Variants in CLVS1 observed in about 807,000 individuals in gnomAD.
CLVS1 encodes clavesin-1.
Under a neutral mutation model 33.1 loss-of-function variants are expected in CLVS1, and 10 were observed. That is an observed-to-expected ratio of 0.30 (90% CI 0.19 to 0.51). The LOEUF is 0.51. Among genes scored for constraint, CLVS1 ranks in the 20% least tolerant of loss-of-function variants. CLVS1 has a pLI of 0.97. For missense variants in CLVS1, 343 were observed against 433.4 expected, an observed-to-expected ratio of 0.79 and a Z score of 1.85; for synonymous variants, 163 against 166.1, an observed-to-expected ratio of 0.98 and a Z score of 0.14.
At chr8:61,306,007 G>T (rs1810613024) in intron 2 of CLVS1, among the ~76,000 whole-genome samples, 1 of 152,140 alleles carries the variant, frequency 6.6e-6, no homozygotes, top group African/African-American at 2.4e-5. Flanking sequence ...ACATACACGT[G>T]CATGTGTCTT....
At chr8:61,076,818 GAAGGCCAGAGTCCCTACACCA>G (rs1173765280) in intron 1 of CLVS1, among the ~76,000 whole-genome samples, 1 of 152,252 alleles carries the variant, frequency 6.6e-6, no homozygotes, top group African/African-American at 2.4e-5. Context: ...TGCACTGGAA[GAAGGCCAGAGTCCCTACACCA>G]AAGGCCAGAG....
chr8:61,054,746 A>G (rs1804448223), upstream of CLVS1, among the ~76,000 whole-genome samples: 3 of 151,946 alleles, frequency 2.0e-5, no homozygotes, highest in Admixed American at 2.0e-4. Flanking sequence ...AGGCTTCCTC[A>G]TCTCTCTCCT....
intron 2 of CLVS1, among the ~76,000 whole-genome samples, chr8:61,334,820 C>T (rs1457887149): frequency 6.6e-6 from 1 of 152,092 alleles, no homozygotes; most frequent in Non-Finnish European, 1.5e-5. Flanking sequence ...TTGCCAGCTG[C>T]CTAGACAGAG....
intron 1 of CLVS1, among the ~76,000 whole-genome samples, chr8:61,059,521 C>T (rs1211509202): frequency 3.1e-5 from 3 of 95,284 alleles, no homozygotes; most frequent in South Asian, 3.8e-4. Flanking sequence ...GAAAATAGCA[C>T]GAGGCTTGTC....
intron 2 of CLVS1, among the ~76,000 whole-genome samples, chr8:61,208,738 C>G (rs1246082514): frequency 6.6e-6 from 1 of 152,138 alleles, no homozygotes; most frequent in African/African-American, 2.4e-5. Context: ...CAGGCACGCG[C>G]CACCACGCCC....
the CLVS1 span, among the ~76,000 whole-genome samples, chr8:61,009,765 C>A: frequency 6.6e-6 from 1 of 152,124 alleles, no homozygotes; most frequent in African/African-American, 2.4e-5. Flanking sequence ...AGAGACACTG[C>A]CGATGGGGTG....
intron 2 of CLVS1, among the ~76,000 whole-genome samples, chr8:61,342,423 C>A (rs967046850): frequency 6.6e-6 from 1 of 151,450 alleles, no homozygotes; most frequent in African/African-American, 2.4e-5. Context: ...TGCCTATATC[C>A]GCTCTACACA....
At chr8:61,289,940 G>A (rs1035931439) in intron 1 of CLVS1, among the ~76,000 whole-genome samples, 3 of 152,178 alleles carry the variant, frequency 2.0e-5, no homozygotes, top group Admixed American at 1.3e-4. Context: ...AATATGTGGT[G>A]AAATGGATTT....
At chr8:60,994,252 T>C in the CLVS1 span, among the ~76,000 whole-genome samples, 3 of 152,180 alleles carry the variant, frequency 2.0e-5, no homozygotes, top group Non-Finnish European at 2.9e-5. Flanking sequence ...ACCAGTTGTA[T>C]TGGATGAGGA....
At chr8:61,140,497 T>C (rs1316626790) in intron 2 of CLVS1, among the ~76,000 whole-genome samples, 8 of 152,228 alleles carry the variant, frequency 5.3e-5, no homozygotes, top group Non-Finnish European at 1.2e-4. Context: ...TTGTAACTAG[T>C]TGGAGAACCC....
At chr8:61,204,555 G>A (rs1807801374) in intron 2 of CLVS1, among the ~76,000 whole-genome samples, 1 of 152,092 alleles carries the variant, frequency 6.6e-6, no homozygotes, top group Non-Finnish European at 1.5e-5. Context: ...TTAAATGTAG[G>A]AAAAGCATAA....
rs1036827751 is a variant in CLVS1 at position 61,132,146 on chromosome 8, C to T, written c.-152+286C>T. ...CAATAGCACCTGCTCAGAGAAACAA[C>T]GAGGCTGGACCTGCAAAATGAGCTT... On this transcript the variant is annotated intron_variant, in intron 2 of 2. Transcript: ENST00000522621. Among the ~76,000 whole-genome samples the T allele has an allele frequency of 5.9e-5, 9 of 152,240 alleles. No homozygotes were observed. In the South Asian group the frequency reaches 6.2e-4, roughly 11 times the overall value.
At chr8:61,018,245 C>CT in the CLVS1 span, among the ~76,000 whole-genome samples, 2,231 of 152,302 alleles carry the variant, frequency 0.015, 61 homozygotes, top group African/African-American at 0.05. Context: ...TATGGGGTCT[C>CT]TTTTCTATGA....
intron 3 of CLVS1, among the ~76,000 whole-genome samples, chr8:61,450,596 C>T (rs1816916180): frequency 6.6e-6 from 1 of 152,112 alleles, no homozygotes; most frequent in Non-Finnish European, 1.5e-5. Context: ...AAGACGTGAA[C>T]TAATTGTTAA....
chr8:61,269,212 A>T (rs1278024240), intron 2 of CLVS1, among the ~76,000 whole-genome samples: 1 of 151,542 alleles, frequency 6.6e-6, no homozygotes, highest in Admixed American at 6.6e-5. Flanking sequence ...TAAGGAAGGG[A>T]TCCAGTTTCA....
intron 1 of CLVS1, among the ~76,000 whole-genome samples, chr8:61,125,646 T>C (rs1180156989): frequency 6.6e-6 from 1 of 152,216 alleles, no homozygotes; most frequent in Non-Finnish European, 1.5e-5. Context: ...AACTTTCAAC[T>C]ATTGTTTAAA....
chr8:61,420,129 G>T (rs1343744446), intron 3 of CLVS1, among the ~76,000 whole-genome samples: 1 of 152,036 alleles, frequency 6.6e-6, no homozygotes, highest in Non-Finnish European at 1.5e-5. Context: ...TTCAAATTCT[G>T]ACTCCAAAGT....
intron 2 of CLVS1, among the ~76,000 whole-genome samples, chr8:61,201,996 A>G (rs573144899): frequency 3.9e-5 from 6 of 152,280 alleles, no homozygotes; most frequent in South Asian, 2.1e-4. Flanking sequence ...AACATTCTGT[A>G]TTTGACCCGA....
At chr8:61,330,825 C>G (rs1018843329) in intron 2 of CLVS1, among the ~76,000 whole-genome samples, 1 of 151,828 alleles carries the variant, frequency 6.6e-6, no homozygotes, top group East Asian at 1.9e-4. Context: ...CTTGGTGTCT[C>G]GTGCCTGCAA....
Sources: gnomAD v4.1 joint callset for allele counts (sites outside exome capture counted in the v4.1 genomes callset) on GRCh38, gnomAD v4.1.1 for gene constraint, MANE v1.5 for transcripts, NCBI Gene and HGNC (gene_info 2026-07-23, HGNC 2026-07-21) for gene names.